FAM133A: variants seen among roughly 807,000 people sequenced by gnomAD.
The protein encoded by FAM133A is family with sequence similarity 133 member A.
For synonymous variants in FAM133A, 65 were observed against 58.6 expected (o/e 1.11, Z -0.50); for missense variants, 159 against 164.4 (o/e 0.97, Z 0.18).
chrX:93,686,290 G>A (rs956824680), intron 2 of FAM133A, among the ~76,000 whole-genome samples: 1 of 110,787 alleles, frequency 9.0e-6, no homozygotes, highest in African/African-American at 3.3e-5. Flanking sequence ...GCCTCTAGTA[G>A]GTAATTTTAT....
In FAM133A at chrX:93,684,992, T is replaced by A. The variant is rs141316990; in HGVS notation, c.-193+10240T>A. ...CAATTTTTAAAGAGCTTATGCTTTATTCTGATTGGTATTTGAAGCTTTTAT... is the reference window on the plus strand; with the variant it reads ...CAATTTTTAAAGAGCTTATGCTTTAATCTGATTGGTATTTGAAGCTTTTAT... On this transcript the variant is annotated intron_variant, in intron 2 of 3. Transcript: ENST00000683942. Among the ~76,000 whole-genome samples, 70 of 111,861 alleles carry A rather than the reference T, an allele frequency of 6.3e-4. No individual in the cohort carries two copies. The East Asian group carries it at 0.018, about 29-fold the overall frequency.
At position 93,709,633 on chromosome X, in the gene FAM133A, G is replaced by T. The variant is rs1476222624; in HGVS notation, c.214G>T (p.Glu72Ter). ...EEKMNENWKKELEKSREKLLS... is the reference protein window; with the variant it reads ...EEKMNENWKK ...AAAAATGAATGAAAATTGGAAGAAA[G>T]AACTTGAAAAAAGCAGAGAGAAATT... Residue 72 changes from glutamate (E) to a stop codon, truncating the protein, a stop_gained, in exon 4 of 4, where the codon GAA (glutamate) becomes TAA (stop). Transcript: ENST00000683942. LOFTEE classifies it low-confidence loss of function (END_TRUNC). 2 of 1,190,917 alleles carry T rather than the reference G, an allele frequency of 1.7e-6. No individual in the cohort carries two copies. Among genetic ancestry groups the T allele is most frequent in the Non-Finnish European group, 2.3e-6 (2 of 888,302 alleles).
At chrX:93,703,977 GCA>G (rs942399459) in intron 3 of FAM133A, among the ~76,000 whole-genome samples, 4 of 111,724 alleles carry the variant, frequency 3.6e-5, no homozygotes, top group South Asian at 3.7e-4. Context: ...TTTCCACACT[GCA>G]CAGTTTTCTA....
Position 93,682,171 on chromosome X carries a change from T to A in FAM133A, c.-193+7419T>A, listed in dbSNP as rs139605808. Among the ~76,000 whole-genome samples, 130 of 111,988 alleles carry A rather than the reference T, an allele frequency of 1.2e-3. No homozygotes were observed. The East Asian group carries it at 0.029, about 25-fold the overall frequency. On this transcript the variant is annotated intron_variant, in intron 2 of 3. Coordinates refer to ENST00000683942, the MANE Select transcript of FAM133A (RefSeq NM_001171109.2). ...ATTTCTTAACTCTCTATGCCTCAATTTCCTCATCTGTAGAATGGGGATAAT... is the reference window on the plus strand; with the variant it reads ...ATTTCTTAACTCTCTATGCCTCAATATCCTCATCTGTAGAATGGGGATAAT...
At chrX:93,683,140 A>G (rs1340029656) in intron 2 of FAM133A, among the ~76,000 whole-genome samples, 2 of 112,025 alleles carry the variant, frequency 1.8e-5, no homozygotes, top group African/African-American at 6.5e-5. Flanking sequence ...AGTTAGGAGG[A>G]CACACAGAGT....
At chrX:93,703,751 T>G (rs1199929515) in intron 3 of FAM133A, among the ~76,000 whole-genome samples, 1 of 112,347 alleles carries the variant, frequency 8.9e-6, no homozygotes, top group Non-Finnish European at 1.9e-5. Flanking sequence ...TGTCACGTCA[T>G]TCTTTTCTAT....
intron 3 of FAM133A, among the ~76,000 whole-genome samples, 186 bp downstream of exon 3, chrX:93,698,671 G>A (rs1926479960): frequency 1.8e-5 from 2 of 112,001 alleles, no homozygotes; most frequent in Middle Eastern, 4.7e-3. Flanking sequence ...AAGAGAGACT[G>A]AGAGGAAAGG....
At chrX:93,708,518 G>C (rs1927196416) in intron 3 of FAM133A, among the ~76,000 whole-genome samples, 1 of 111,666 alleles carries the variant, frequency 9.0e-6, no homozygotes, top group Non-Finnish European at 1.9e-5. Context: ...GGCTGCCTTT[G>C]TTTAAATCCT....
At chrX:93,696,925 GA>G (rs200154302) in intron 2 of FAM133A, among the ~76,000 whole-genome samples, 33 of 94,841 alleles carry the variant, frequency 3.5e-4, no homozygotes, top group South Asian at 1.9e-3. Context: ...GTCTCAAAAA[GA>G]AAAAAAAAAA....
intron 2 of FAM133A, among the ~76,000 whole-genome samples, chrX:93,684,943 T>C (rs1925415306): frequency 8.9e-6 from 1 of 111,741 alleles, no homozygotes. Flanking sequence ...GGTATTATCA[T>C]ATATGGGTGC....
intron 2 of FAM133A, among the ~76,000 whole-genome samples, chrX:93,687,081 C>A (rs751600122): frequency 1.8e-5 from 2 of 112,040 alleles, no homozygotes; most frequent in African/African-American, 6.5e-5. Context: ...ATGTAATTCA[C>A]AATTGCAAAA....
intron 2 of FAM133A, among the ~76,000 whole-genome samples, chrX:93,693,350 TGAGAGA>T (rs770514811): frequency 9.2e-6 from 1 of 108,866 alleles, no homozygotes; most frequent in Non-Finnish European, 1.9e-5. Context: ...CCTAAAAGCT[TGAGAGA>T]GAGAGAGAGA....
intron 2 of FAM133A, among the ~76,000 whole-genome samples, chrX:93,675,823 T>C (rs996446973): frequency 2.7e-5 from 3 of 111,342 alleles, no homozygotes; most frequent in Admixed American, 9.6e-5. Flanking sequence ...TAAGTGCATA[T>C]CCTTTCGTTG....
chrX:93,686,706 G>T (rs1036098877), intron 2 of FAM133A, among the ~76,000 whole-genome samples: 6 of 112,262 alleles, frequency 5.3e-5, no homozygotes, highest in African/African-American at 1.9e-4. Flanking sequence ...CTTGGCTATA[G>T]GAGGATGAGG....
chrX:93,702,580 G>T (rs1451970949), intron 3 of FAM133A, among the ~76,000 whole-genome samples: 3 of 110,516 alleles, frequency 2.7e-5, no homozygotes, highest in Admixed American at 1.9e-4. Flanking sequence ...CCACCATCAA[G>T]AAGTTGAAAT....
chrX:93,693,296 G>C (rs188678520), intron 2 of FAM133A, among the ~76,000 whole-genome samples: 1 of 111,145 alleles, frequency 9.0e-6, no homozygotes, highest in Non-Finnish European at 1.9e-5. Flanking sequence ...GGCAAACCCA[G>C]TGTACAATAT....
At chrX:93,685,507 A>G (rs1016559475) in intron 2 of FAM133A, among the ~76,000 whole-genome samples, 10 of 111,980 alleles carry the variant, frequency 8.9e-5, no homozygotes, top group Non-Finnish European at 1.5e-4. Flanking sequence ...AGTTTATAAT[A>G]TGCTTACCAA....
chrX:93,707,920 G>A (rs1412781357), intron 3 of FAM133A, among the ~76,000 whole-genome samples: 2 of 111,833 alleles, frequency 1.8e-5, no homozygotes, highest in Non-Finnish European at 3.8e-5. Flanking sequence ...ACCCTTCTTG[G>A]TCTTACATTT....
Position 93,709,954 on chromosome X carries a change from AAAAG to A in FAM133A, c.543_546del (p.Lys182ValfsTer40), listed in dbSNP as rs1189492539. On this transcript the variant is annotated frameshift_variant, in exon 4 of 4. Transcript: ENST00000683942. LOFTEE classifies it high-confidence loss of function. The stretch of plus-strand genomic sequence containing the variant: ...AAAGGATGTAAGAAGCCTCAGCAAA[AAAAG>A]AAAGAAAAGTTACCCTGATGATAAA... 1 of 1,185,916 alleles carries A rather than the reference AAAAG, an allele frequency of 8.4e-7. No individual in the cohort carries two copies. Among genetic ancestry groups the A allele is most frequent in the Non-Finnish European group, 1.1e-6 (1 of 887,279 alleles).
Sources: allele counts gnomAD v4.1 joint callset (sites outside exome capture counted in the v4.1 genomes callset), GRCh38; gene constraint gnomAD v4.1.1; transcripts MANE v1.5; gene names NCBI Gene and HGNC (gene_info 2026-07-23, HGNC 2026-07-21).